The following SERGEF variants were observed in gnomAD, a reference collection of about 807,000 sequenced individuals.
SERGEF encodes the protein secretion-regulating guanine nucleotide exchange factor.
A neutral mutation model predicts 50.0 loss-of-function variants in SERGEF; 51 were observed. The observed-to-expected ratio is 1.02, with a 90% CI of 0.81 to 1.29. SERGEF has a LOEUF of 1.29. SERGEF is among the 50% of genes most tolerant of loss of function. The probability of loss-of-function intolerance (pLI) is 0.00; values close to 1 mark genes in which losing one functional copy is unlikely to be tolerated. For synonymous variants in SERGEF, 205 were observed against 212.4 expected (o/e 0.97, Z 0.30); for missense variants, 521 against 557.0 (o/e 0.94, Z 0.65).
chr11:17,832,955 C>G (rs1174463876), intron 10 of SERGEF, among the ~76,000 whole-genome samples: 1 of 152,130 alleles, frequency 6.6e-6, no homozygotes, highest in African/African-American at 2.4e-5. Flanking sequence ...GTTTGGAAAA[C>G]ACCTGACATT....
intron 9 of SERGEF, among the ~76,000 whole-genome samples, chr11:17,949,990 A>G (rs1440042755): frequency 1.3e-5 from 2 of 152,158 alleles, no homozygotes; most frequent in Non-Finnish European, 2.9e-5. Flanking sequence ...GTATCAAAAA[A>G]CCTGATGCAT....
At chr11:17,814,565 C>T (rs1364611274) in intron 10 of SERGEF, among the ~76,000 whole-genome samples, 1 of 152,198 alleles carries the variant, frequency 6.6e-6, no homozygotes, top group Non-Finnish European at 1.5e-5. Flanking sequence ...GATGAATACA[C>T]ATGGGATGGG....
intron 5 of SERGEF, among the ~76,000 whole-genome samples, chr11:17,998,552 G>A (rs118152619): frequency 0.11 from 16,420 of 146,068 alleles, 1,276 homozygotes; most frequent in Middle Eastern, 0.23. Flanking sequence ...GTGTGTATGT[G>A]TATGTGTGTA....
At chr11:17,859,703 G>T (rs558725695) in intron 10 of SERGEF, among the ~76,000 whole-genome samples, 2 of 152,000 alleles carry the variant, frequency 1.3e-5, no homozygotes, top group African/African-American at 4.8e-5. Flanking sequence ...AAATGGCAAC[G>T]TACAAAGAAA....
Position 17,955,402 on chromosome 11 carries a change from C to T in SERGEF, c.1011+4068G>A, listed in dbSNP as rs1027852555. On this transcript the variant is annotated intron_variant, in intron 9 of 10. Coordinates refer to ENST00000265965, the MANE Select transcript of SERGEF (RefSeq NM_012139.4). ...CTGTATGGCCAACACTGGTGCATGA[C>T]AGGTGTCAACCAATGTTTATGGAAT... Among the ~76,000 whole-genome samples, 4 of 152,302 alleles carry T rather than the reference C, an allele frequency of 2.6e-5. No homozygotes were observed. In the East Asian group the frequency reaches 7.7e-4, roughly 29 times the overall value.
intron 10 of SERGEF, among the ~76,000 whole-genome samples, chr11:17,846,925 G>C (rs1850624540): frequency 1.3e-5 from 2 of 152,202 alleles, no homozygotes; most frequent in Non-Finnish European, 2.9e-5. Context: ...ACCCAGGCAA[G>C]AGCCTCTGTG....
intron 10 of SERGEF, among the ~76,000 whole-genome samples, chr11:17,857,555 ACTT>A (rs2133878958): frequency 6.6e-6 from 1 of 152,308 alleles, no homozygotes; most frequent in East Asian, 1.9e-4. Context: ...TTTGGTGAAA[ACTT>A]CTTCAAGTAA....
At chr11:17,872,921 G>T (rs1171118738) in intron 10 of SERGEF, among the ~76,000 whole-genome samples, 2 of 149,456 alleles carry the variant, frequency 1.3e-5, no homozygotes, top group Admixed American at 1.3e-4. Flanking sequence ...TAAAAGGAAG[G>T]ATAAAAACAT....
At chr11:17,857,549 G>T (rs1850844388) in intron 10 of SERGEF, among the ~76,000 whole-genome samples, 1 of 152,180 alleles carries the variant, frequency 6.6e-6, no homozygotes, top group African/African-American at 2.4e-5. Flanking sequence ...ATGCCATTTG[G>T]TGAAAACTTC....
intron 10 of SERGEF, among the ~76,000 whole-genome samples, chr11:17,794,639 C>A (rs555831214): frequency 7.2e-5 from 11 of 152,328 alleles, no homozygotes; most frequent in African/African-American, 2.6e-4. Context: ...AATATTCATT[C>A]ACCGAATCCT....
chr11:17,963,069 C>G (rs12287328), intron 8 of SERGEF, among the ~76,000 whole-genome samples: 1 of 150,604 alleles, frequency 6.6e-6, no homozygotes, highest in African/African-American at 2.4e-5. Flanking sequence ...GTAGTCCCAG[C>G]TACTGGGGAG....
At chr11:17,883,034 T>C (rs1372742139) in intron 9 of SERGEF, among the ~76,000 whole-genome samples, 1 of 152,172 alleles carries the variant, frequency 6.6e-6, no homozygotes, top group Non-Finnish European at 1.5e-5. Context: ...GGAAAGCTGC[T>C]CTGTCTTAGT....
At chr11:17,977,221 A>G (rs187529015) in intron 8 of SERGEF, among the ~76,000 whole-genome samples, 1 of 152,374 alleles carries the variant, frequency 6.6e-6, no homozygotes, top group East Asian at 1.9e-4. Flanking sequence ...ATGACAACAA[A>G]TAAGTAAACA....
chr11:17,806,184 T>C (rs572398345), intron 10 of SERGEF, among the ~76,000 whole-genome samples: 2 of 152,318 alleles, frequency 1.3e-5, no homozygotes, highest in African/African-American at 4.8e-5. Flanking sequence ...GGTTCCTTGT[T>C]CCCATCATTC....
Position 17,790,289 on chromosome 11 carries a change from A to T in SERGEF, c.1049-1876T>A, listed in dbSNP as rs1170871422. On this transcript the variant is annotated intron_variant, in intron 10 of 10. Transcript: ENST00000265965. The stretch of plus-strand genomic sequence containing the variant: ...CATAGATGTGTCCTTAAATATTGTG[A>T]TCTGTTTAGTTTGTTTTAAAGACTT... Among the ~76,000 whole-genome samples, 3 of 151,746 alleles carry T rather than the reference A, an allele frequency of 2.0e-5. No individual in the cohort carries two copies. In the East Asian group the frequency reaches 5.8e-4, roughly 29 times the overall value.
intron 9 of SERGEF, among the ~76,000 whole-genome samples, chr11:17,880,798 T>C (rs1365826349): frequency 6.6e-6 from 1 of 152,098 alleles, no homozygotes; most frequent in Non-Finnish European, 1.5e-5. Flanking sequence ...GAAATTTAAA[T>C]TATAAGGGTA....
chr11:17,870,680 T>C (rs1233203081), intron 10 of SERGEF, among the ~76,000 whole-genome samples: 1 of 151,900 alleles, frequency 6.6e-6, no homozygotes, highest in Non-Finnish European at 1.5e-5. Context: ...AATGAAAAAC[T>C]CCTCATAAAA....
chr11:17,928,102 ATGAACCAAGCATTAG>A (rs1852284457), intron 9 of SERGEF, among the ~76,000 whole-genome samples: 1 of 152,246 alleles, frequency 6.6e-6, no homozygotes, highest in African/African-American at 2.4e-5. Context: ...AAGTCTAACC[ATGAACCAAGCATTAG>A]TGAATCCAAA....
At chr11:17,990,346 G>A (rs1296325152) in intron 7 of SERGEF, among the ~76,000 whole-genome samples, 1 of 152,194 alleles carries the variant, frequency 6.6e-6, no homozygotes, top group Non-Finnish European at 1.5e-5. Flanking sequence ...GGGTGACCCT[G>A]CAACATTGAC....
Sources: allele counts gnomAD v4.1 joint callset (sites outside exome capture counted in the v4.1 genomes callset), GRCh38; gene constraint gnomAD v4.1.1; transcripts MANE v1.5; gene names NCBI Gene and HGNC (gene_info 2026-07-23, HGNC 2026-07-21).